Variants in ZNF365 observed in about 807,000 individuals in gnomAD.
ZNF365 encodes zinc finger protein 365.
ZNF365 carries 22 observed loss-of-function variants against 35.0 expected under a neutral mutation model. The observed-to-expected ratio is 0.63, with a 90% CI of 0.45 to 0.90. ZNF365 has a LOEUF of 0.90. Ranked by LOEUF, ZNF365 falls within the 40% of genes least tolerant of loss-of-function variation. ZNF365 has a pLI of 0.00. For synonymous variants in ZNF365, 188 were observed against 196.2 expected (o/e 0.96, Z 0.35); for missense variants, 448 against 500.3 (o/e 0.90, Z 1.00).
At chr10:62,402,591 T>C (rs1839847355), downstream of ZNF365, 2 of 435,100 alleles carry the variant, frequency 4.6e-6, no homozygotes, top group Admixed American at 1.3e-4. Flanking sequence ...CCTATAGGTT[T>C]TCTTAACTTA....
intron 4 of ZNF365, among the ~76,000 whole-genome samples, chr10:62,466,822 G>T (rs1840951394): frequency 6.6e-6 from 1 of 151,860 alleles, no homozygotes; most frequent in African/African-American, 2.4e-5. Context: ...TATTTTTTGG[G>T]ACAGGGTCTC....
chr10:62,395,583 C>T (rs1839712385), intron 3 of ZNF365, among the ~76,000 whole-genome samples: 1 of 148,662 alleles, frequency 6.7e-6, no homozygotes, highest in Admixed American at 6.8e-5. Flanking sequence ...TCTCGAACTC[C>T]TGACTTCAGG....
intron 4 of ZNF365, among the ~76,000 whole-genome samples, chr10:62,475,695 TG>T (rs1310169518): frequency 2.0e-5 from 3 of 152,142 alleles, no homozygotes; most frequent in Non-Finnish European, 4.4e-5. Context: ...AATGGAAAAG[TG>T]GGAGTCACAT....
chr10:62,479,063 AAGG>A (rs1169249994), intron 4 of ZNF365, among the ~76,000 whole-genome samples: 3 of 152,206 alleles, frequency 2.0e-5, no homozygotes, highest in African/African-American at 7.2e-5. Context: ...CAGACTTTCC[AAGG>A]AGACCAACAC....
chr10:62,396,402 A>G (rs1839728434), intron 3 of ZNF365, among the ~76,000 whole-genome samples: 1 of 152,204 alleles, frequency 6.6e-6, no homozygotes, highest in South Asian at 2.1e-4. Flanking sequence ...CCGTATCTCT[A>G]AAATTGGAAT....
At chr10:62,417,641 A>C (rs1181486243) in intron 3 of ZNF365, among the ~76,000 whole-genome samples, 2 of 146,694 alleles carry the variant, frequency 1.4e-5, no homozygotes. Context: ...AATGAACAGA[A>C]CTTAGAGATC....
At position 62,456,651 on chromosome 10, in the gene ZNF365, C is replaced by G. The variant is rs149861829; in HGVS notation, c.925-3090C>G. ...TTGAGAGCTCAATGTGAGCGGGACT[C>G]GATTTCAGCTCAGCTGTCCTCAGTC... On this transcript the variant is annotated intron_variant, in intron 3 of 4. Transcript: ENST00000395255. Among the ~76,000 whole-genome samples the G allele has an allele frequency of 6.2e-3, 951 of 152,326 alleles. 7 individuals are homozygous for G. The highest frequency in any genetic ancestry group is 9.7e-3 in the Non-Finnish European group (661 of 68,024).
intron 4 of ZNF365, among the ~76,000 whole-genome samples, chr10:62,467,508 C>T (rs1453405188): frequency 6.6e-6 from 1 of 152,152 alleles, no homozygotes; most frequent in East Asian, 1.9e-4. Flanking sequence ...GCAAGATTGT[C>T]TTTTTTGGCA....
chr10:62,427,112 G>A (rs768687125), intron 3 of ZNF365, among the ~76,000 whole-genome samples: 5 of 152,316 alleles, frequency 3.3e-5, no homozygotes, highest in Non-Finnish European at 5.9e-5. Context: ...TTACTCACAT[G>A]TTTGTGGTGA....
At chr10:62,467,851 G>A (rs952816919) in intron 4 of ZNF365, among the ~76,000 whole-genome samples, 3 of 152,130 alleles carry the variant, frequency 2.0e-5, no homozygotes, top group Non-Finnish European at 2.9e-5. Context: ...GCACTCAGCT[G>A]CTCAGTCTTT....
chr10:62,475,583 C>G (rs1308091088), intron 4 of ZNF365, among the ~76,000 whole-genome samples: 1 of 152,190 alleles, frequency 6.6e-6, no homozygotes, highest in East Asian at 1.9e-4. Context: ...TCTCTCAGGT[C>G]AGGGTAGAAG....
chr10:62,470,198 A>G (rs1841011564), intron 4 of ZNF365, among the ~76,000 whole-genome samples: 1 of 152,240 alleles, frequency 6.6e-6, no homozygotes, highest in African/African-American at 2.4e-5. Context: ...AATAAGAAAG[A>G]GAAAGGAAGA....
At chr10:62,416,851 T>C (rs1424120195) in intron 3 of ZNF365, among the ~76,000 whole-genome samples, 5 of 152,072 alleles carry the variant, frequency 3.3e-5, no homozygotes, top group African/African-American at 1.2e-4. Flanking sequence ...CAAGAAGTTT[T>C]AGATTTTGGA....
chr10:62,443,426 C>T (rs1840533944), intron 3 of ZNF365, among the ~76,000 whole-genome samples: 1 of 152,136 alleles, frequency 6.6e-6, no homozygotes, highest in Non-Finnish European at 1.5e-5. Flanking sequence ...TTTTACCTTC[C>T]TTCTCGGGTT....
intron 3 of ZNF365, among the ~76,000 whole-genome samples, chr10:62,445,317 T>C (rs200855444): frequency 2.3e-5 from 3 of 133,076 alleles, no homozygotes; most frequent in African/African-American, 8.5e-5. Flanking sequence ...GGTCAAATGG[T>C]ATTTCTAGTT....
At chr10:62,452,191 G>T (rs1376611262) in intron 3 of ZNF365, among the ~76,000 whole-genome samples, 1 of 152,192 alleles carries the variant, frequency 6.6e-6, no homozygotes, top group Non-Finnish European at 1.5e-5. Context: ...AATTAAGAAA[G>T]CTGGGTGTGG....
intron 2 of ZNF365, among the ~76,000 whole-genome samples, chr10:62,377,820 T>G (rs1839361522): frequency 6.6e-6 from 1 of 152,364 alleles, no homozygotes; most frequent in Non-Finnish European, 1.5e-5. Context: ...ACATTAAAAT[T>G]GATGGAGTAA....
At chr10:62,418,999 G>A (rs185186970) in intron 3 of ZNF365, among the ~76,000 whole-genome samples, 1 of 147,002 alleles carries the variant, frequency 6.8e-6, no homozygotes, top group Admixed American at 6.9e-5. Context: ...TATTATACAC[G>A]TCTGAAGAAC....
At chr10:62,439,674 A>T (rs990781338) in intron 3 of ZNF365, among the ~76,000 whole-genome samples, 12 of 152,116 alleles carry the variant, frequency 7.9e-5, no homozygotes, top group Admixed American at 7.9e-4. Flanking sequence ...AACCCAAGGG[A>T]CTCTTGAAGA....
Sources: allele counts gnomAD v4.1 joint callset (sites outside exome capture counted in the v4.1 genomes callset), GRCh38; gene constraint gnomAD v4.1.1; transcripts MANE v1.5; gene names NCBI Gene and HGNC (gene_info 2026-07-23, HGNC 2026-07-21).